MAF: variants seen among roughly 807,000 people sequenced by gnomAD.
MAF encodes MAF bZIP transcription factor, also known as transcription factor Maf.
MAF carries 10 observed loss-of-function variants against 22.0 expected under a neutral mutation model. The observed-to-expected ratio is 0.45, with a 90% CI of 0.28 to 0.77. MAF has a LOEUF of 0.77. Ranked by LOEUF, MAF falls within the 30% of genes least tolerant of loss-of-function variation. The probability of loss-of-function intolerance (pLI) is 0.12; values close to 1 mark genes in which losing one functional copy is unlikely to be tolerated. For missense variants in MAF, 544 were observed against 548.4 expected (o/e 0.99, Z 0.08); for synonymous variants, 337 against 255.8 (o/e 1.32, Z -3.03).
At chr16:79,466,844 G>A in the MAF span, among the ~76,000 whole-genome samples, 1 of 152,160 alleles carries the variant, frequency 6.6e-6, no homozygotes, top group Non-Finnish European at 1.5e-5. Flanking sequence ...CCCTGCCCGC[G>A]ACACCAAAGT....
chr16:79,224,099 C>T, the MAF span, among the ~76,000 whole-genome samples: 3 of 152,098 alleles, frequency 2.0e-5, no homozygotes, highest in Non-Finnish European at 2.9e-5. Flanking sequence ...AACATTGCTG[C>T]GAAAATCCTC....
chr16:79,546,515 C>T, the MAF span, among the ~76,000 whole-genome samples: 2 of 152,256 alleles, frequency 1.3e-5, no homozygotes, highest in South Asian at 4.2e-4. Context: ...ATGGAAATTT[C>T]CCACAGCTAC....
chr16:79,325,957 C>T, the MAF span, among the ~76,000 whole-genome samples: 2 of 152,172 alleles, frequency 1.3e-5, no homozygotes, highest in Non-Finnish European at 2.9e-5. Flanking sequence ...TACTCCATAA[C>T]ATTGAACAAG....
the MAF span, among the ~76,000 whole-genome samples, chr16:79,477,912 C>A: frequency 2.0e-5 from 3 of 151,498 alleles, no homozygotes; most frequent in South Asian, 4.2e-4. Context: ...TTAGTAGAGA[C>A]GGGGTTTCAC....
chr16:79,331,175 C>T, the MAF span, among the ~76,000 whole-genome samples: 1 of 152,320 alleles, frequency 6.6e-6, no homozygotes, highest in Non-Finnish European at 1.5e-5. Context: ...AGAGCTAATG[C>T]AGGCCTAATC....
the MAF span, among the ~76,000 whole-genome samples, chr16:79,498,222 G>C: frequency 2.0e-5 from 3 of 152,150 alleles, no homozygotes; most frequent in Non-Finnish European, 4.4e-5. Context: ...TAGATCAAGA[G>C]GCAGCAAACT....
chr16:79,388,685 G>T, the MAF span, among the ~76,000 whole-genome samples: 1 of 152,128 alleles, frequency 6.6e-6, no homozygotes, highest in African/African-American at 2.4e-5. Context: ...GACATTTGCT[G>T]ATCTCTACAG....
the MAF span, among the ~76,000 whole-genome samples, chr16:79,445,909 A>G: frequency 6.6e-6 from 1 of 152,192 alleles, no homozygotes; most frequent in African/African-American, 2.4e-5. Context: ...TGAGCAGACC[A>G]TCCTTAATAA....
At chr16:79,553,762 A>C in the MAF span, among the ~76,000 whole-genome samples, 1 of 152,184 alleles carries the variant, frequency 6.6e-6, no homozygotes, top group Non-Finnish European at 1.5e-5. Flanking sequence ...GGGAGTAGAT[A>C]GTCATTTCTT....
the MAF span, among the ~76,000 whole-genome samples, chr16:79,261,842 G>A: frequency 8.5e-5 from 13 of 152,352 alleles, no homozygotes; most frequent in East Asian, 1.9e-4. Context: ...CCTTGGGGGC[G>A]TTGGGGGTGG....
chr16:79,452,842 G>A, the MAF span, among the ~76,000 whole-genome samples: 16 of 152,210 alleles, frequency 1.1e-4, no homozygotes, highest in Non-Finnish European at 1.6e-4. Context: ...CTTGGGAAGA[G>A]AACGAAGATT....
At chr16:79,301,224 T>C in the MAF span, among the ~76,000 whole-genome samples, 1 of 152,108 alleles carries the variant, frequency 6.6e-6, no homozygotes, top group African/African-American at 2.4e-5. Context: ...CCCACAGTCC[T>C]GGGGAGGACG....
the MAF span, among the ~76,000 whole-genome samples, chr16:79,342,839 A>C: frequency 6.6e-6 from 1 of 152,204 alleles, no homozygotes; most frequent in African/African-American, 2.4e-5. Flanking sequence ...TGGTCCATGC[A>C]TAGCAGAACC....
chr16:79,537,546 C>T, the MAF span, among the ~76,000 whole-genome samples: 4 of 152,288 alleles, frequency 2.6e-5, no homozygotes, highest in South Asian at 2.1e-4. Context: ...TGTTCCTGAC[C>T]GAACCTGGCT....
Position 79,599,557 on chromosome 16 carries a change from C to A in MAF, c.346G>T (p.Ala116Ser). The change falls in exon 1 of 2, where the codon GCG becomes TCG. Residue 116 changes from alanine (A) to serine (S), a missense_variant. Ala to Ser is a moderately conservative substitution (Grantham distance 99). Around this residue, in one of 5 missense-constraint regions of MAF, gnomAD observed 342 missense variants for 315.5 expected, o/e 1.08. Coordinates refer to ENST00000326043, the MANE Select transcript of MAF (RefSeq NM_005360.5). ...LGFSPEDAVE[A>S]LISNSHQLQG... ...AGCTGGTGGCTGTTGCTGATGAGCG[C>A]CTCGACCGCGTCCTCGGGGCTGAAG... The A allele has an allele frequency of 6.3e-7, 1 of 1,583,306 alleles. No individual in the cohort carries two copies. The highest frequency in any genetic ancestry group is 8.6e-7 in the Non-Finnish European group (1 of 1,165,340).
At chr16:79,469,449 C>T in the MAF span, among the ~76,000 whole-genome samples, 2 of 152,156 alleles carry the variant, frequency 1.3e-5, no homozygotes, top group Admixed American at 6.5e-5. Flanking sequence ...CCTCTCTGAT[C>T]TCAATTTCCT....
At chr16:79,571,826 A>C in the MAF span, among the ~76,000 whole-genome samples, 1 of 152,142 alleles carries the variant, frequency 6.6e-6, no homozygotes, top group Non-Finnish European at 1.5e-5. Flanking sequence ...ACGTTGAACA[A>C]AACATGTTTT....
chr16:79,486,295 A>C, the MAF span, among the ~76,000 whole-genome samples: 1 of 152,228 alleles, frequency 6.6e-6, no homozygotes, highest in Non-Finnish European at 1.5e-5. Context: ...ATGTAAAATA[A>C]AGAAAACCAA....
At chr16:79,368,812 G>A in the MAF span, among the ~76,000 whole-genome samples, 2 of 152,098 alleles carry the variant, frequency 1.3e-5, no homozygotes, top group African/African-American at 4.8e-5. Context: ...TTTGCTCAAA[G>A]GTCAGCTTCC....
Sources: allele counts gnomAD v4.1 joint callset (sites outside exome capture counted in the v4.1 genomes callset), GRCh38; gene constraint gnomAD v4.1.1; regional missense constraint gnomAD v4.1.1; transcripts MANE v1.5; gene names NCBI Gene and HGNC (gene_info 2026-07-23, HGNC 2026-07-21).